PIR: variants seen among roughly 807,000 people sequenced by gnomAD.
The protein encoded by PIR is pirin, also known as pirin (iron-binding nuclear protein).
Under a neutral mutation model 24.2 loss-of-function variants are expected in PIR, and 22 were observed. That is an observed-to-expected ratio of 0.91 (90% CI 0.65 to 1.30). The LOEUF is 1.30. PIR is among the 50% of genes most tolerant of loss of function. The pLI, the probability that PIR is intolerant of heterozygous loss-of-function variation, is 0.00. For synonymous variants in PIR, 80 were observed against 79.6 expected, an observed-to-expected ratio of 1.00 and a Z score of -0.03; for missense variants, 220 against 220.3, an observed-to-expected ratio of 1.00 and a Z score of 0.01.
chrX:15,489,616 C>T (rs1351516278), intron 2 of PIR, among the ~76,000 whole-genome samples: 1 of 111,969 alleles, frequency 8.9e-6, no homozygotes, highest in Admixed American at 9.5e-5. Flanking sequence ...CCAACACTCC[C>T]TGTGCATTTA....
chrX:15,395,177 T>C (rs989814195), intron 8 of PIR, among the ~76,000 whole-genome samples: 4 of 111,568 alleles, frequency 3.6e-5, no homozygotes, highest in African/African-American at 1.3e-4. Context: ...TGAGTCAGGG[T>C]CTCTTGGAGC....
intron 5 of PIR, among the ~76,000 whole-genome samples, chrX:15,449,626 A>G (rs73451231): frequency 8.9e-6 from 1 of 112,056 alleles, no homozygotes; most frequent in Non-Finnish European, 1.9e-5. Flanking sequence ...TGGCCATCCA[A>G]TGTTTTAAAA....
At position 15,453,295 on chromosome X, in the gene PIR, A is replaced by G. The variant is rs111827026; in HGVS notation, c.480+2553T>C. Among the ~76,000 whole-genome samples the G allele has an allele frequency of 5.9e-3, 661 of 112,355 alleles. 6 individuals carry two copies. Among genetic ancestry groups the G allele is most frequent in the African/African-American group, 0.02 (617 of 30,981 alleles). ...AAGTTACCGTAAATTAATCAAAATA[A>G]TAACTGCCACTTATGTGATGCTTAC... On this transcript the variant is annotated intron_variant, in intron 5 of 9. Transcript: ENST00000380420.
At chrX:15,404,603 T>A (rs1462378778) in intron 7 of PIR, among the ~76,000 whole-genome samples, 1 of 112,659 alleles carries the variant, frequency 8.9e-6, no homozygotes, top group Non-Finnish European at 1.9e-5. Flanking sequence ...AACCTAGTTT[T>A]ATAAGCAAGA....
At chrX:15,441,828 G>C (rs889847570) in intron 5 of PIR, among the ~76,000 whole-genome samples, 1 of 111,344 alleles carries the variant, frequency 9.0e-6, no homozygotes, top group Non-Finnish European at 1.9e-5. Context: ...TGTGACTGTA[G>C]GTACACCTCT....
At chrX:15,464,399 A>G in intron 3 of PIR, 3 of 753,797 alleles carry the variant, frequency 4.0e-6, no homozygotes, top group African/African-American at 2.3e-5. Context: ...AAAAAGAAAG[A>G]TGCTGCCGCT....
chrX:15,395,653 C>G (rs777779379), intron 8 of PIR, among the ~76,000 whole-genome samples: 1 of 112,274 alleles, frequency 8.9e-6, no homozygotes, highest in African/African-American at 3.2e-5. Context: ...GCTTTACAAA[C>G]GTGTCCAAAG....
chrX:15,456,225 C>T (rs150729092), intron 4 of PIR, among the ~76,000 whole-genome samples, 171 bp from the exon 5 acceptor site: 91 of 112,455 alleles, frequency 8.1e-4, no homozygotes, highest in African/African-American at 2.9e-3. Flanking sequence ...GGGCCCTTTC[C>T]AGTTTTGCAA....
At chrX:15,386,214 A>G in intron 9 of PIR, among the ~76,000 whole-genome samples, 1 of 112,509 alleles carries the variant, frequency 8.9e-6, no homozygotes, top group Non-Finnish European at 1.9e-5. Flanking sequence ...TATTGCTTAG[A>G]GAAAATAACA....
At position 15,456,868 on chromosome X, in the gene PIR, T is replaced by C. The variant is rs769928268; in HGVS notation, c.274-814A>G. ...CTTCAAGTGTTTGTTCATGTCTGTA[T>C]TAAAAGCAGATTAGGGACCAGCCCC... On this transcript the variant is annotated intron_variant, in intron 4 of 9. Coordinates refer to ENST00000380420, the MANE Select transcript of PIR (RefSeq NM_001018109.3). Among the ~76,000 whole-genome samples, 4 of 112,586 alleles carry C rather than the reference T, an allele frequency of 3.6e-5. No individual in the cohort carries two copies. The South Asian group carries it at 1.5e-3, about 41-fold the overall frequency.
intron 5 of PIR, among the ~76,000 whole-genome samples, chrX:15,442,329 T>C (rs1018442079): frequency 3.6e-5 from 4 of 111,560 alleles, no homozygotes; most frequent in Non-Finnish European, 7.5e-5. Flanking sequence ...TAAATGTGTG[T>C]TCTGACTGCT....
intron 5 of PIR, among the ~76,000 whole-genome samples, chrX:15,427,447 C>G (rs960672751): frequency 2.7e-5 from 3 of 110,874 alleles, no homozygotes; most frequent in Non-Finnish European, 5.7e-5. Context: ...ATTATTTACT[C>G]TCCTTGATGA....
At chrX:15,403,993 CT>C (rs151011282) in intron 7 of PIR, among the ~76,000 whole-genome samples, 2,511 of 89,752 alleles carry the variant, frequency 0.028, 70 homozygotes, top group African/African-American at 0.089. Context: ...CCAGCATTTT[CT>C]TTTTTTTTTT....
At chrX:15,417,173 C>G (rs1481937270) in intron 6 of PIR, among the ~76,000 whole-genome samples, 1 of 111,309 alleles carries the variant, frequency 9.0e-6, no homozygotes, top group African/African-American at 3.3e-5. Context: ...TGGTCACAAA[C>G]TTTTGGCCTT....
At chrX:15,488,278 CAAAAAAAAA>C (rs1184870069) in intron 2 of PIR, among the ~76,000 whole-genome samples, 1 of 31,918 alleles carries the variant, frequency 3.1e-5, no homozygotes, top group Non-Finnish European at 6.4e-5. Context: ...AACTCCGTCT[CAAAAAAAAA>C]AAAAAAAAAA....
chrX:15,438,381 T>C (rs1451906640), intron 5 of PIR, among the ~76,000 whole-genome samples: 2 of 112,017 alleles, frequency 1.8e-5, no homozygotes, highest in African/African-American at 6.5e-5. Flanking sequence ...AGACAAAACC[T>C]TCTCTCAACA....
At chrX:15,416,301 G>A (rs889483425) in intron 6 of PIR, among the ~76,000 whole-genome samples, 6 of 111,766 alleles carry the variant, frequency 5.4e-5, no homozygotes, top group Non-Finnish European at 7.5e-5. Flanking sequence ...CGGCTTTTGC[G>A]TTCTATGAAA....
intron 9 of PIR, among the ~76,000 whole-genome samples, chrX:15,387,393 G>A (rs756682712): frequency 6.6e-4 from 73 of 109,984 alleles, no homozygotes; most frequent in African/African-American, 1.9e-3. Flanking sequence ...CACCGCGCCC[G>A]GCCCAGTTCT....
intron 9 of PIR, among the ~76,000 whole-genome samples, chrX:15,387,068 CTTTTCTTTTTTTTTTT>C (rs1923782444): frequency 4.8e-5 from 3 of 62,103 alleles, no homozygotes; most frequent in Non-Finnish European, 8.8e-5. Context: ...TTTTTCTTTT[CTTTTCTTTTTTTTTTT>C]TTTTTTTTTT....
Sources: gnomAD v4.1 joint callset for allele counts (sites outside exome capture counted in the v4.1 genomes callset) on GRCh38, gnomAD v4.1.1 for gene constraint, MANE v1.5 for transcripts, NCBI Gene and HGNC (gene_info 2026-07-23, HGNC 2026-07-21) for gene names.